The following SEC63 variants were observed in gnomAD, a reference collection of about 807,000 sequenced individuals.
The protein encoded by SEC63 is SEC63 protein translocation regulator.
A neutral mutation model predicts 116.2 loss-of-function variants in SEC63; 56 were observed. The ratio of observed to expected loss-of-function variants is 0.48; its 90% CI spans 0.39 to 0.60. SEC63 has a LOEUF of 0.60. Among genes scored for constraint, SEC63 ranks in the 20% least tolerant of loss-of-function variants. The probability of loss-of-function intolerance (pLI) is 0.00; values close to 1 mark genes in which losing one functional copy is unlikely to be tolerated. For synonymous variants in SEC63, 273 were observed against 294.6 expected (o/e 0.93, Z 0.75); for missense variants, 668 against 900.0 (o/e 0.74, Z 3.30).
intron 1 of SEC63, among the ~76,000 whole-genome samples, chr6:107,933,769 T>TG (rs1787864195): frequency 6.6e-6 from 1 of 150,830 alleles, no homozygotes; most frequent in African/African-American, 2.4e-5. Flanking sequence ...CTCTGATGTC[T>TG]AGCCGAAGCT....
At chr6:107,906,075 G>C (rs1367776885) in intron 10 of SEC63, among the ~76,000 whole-genome samples, 1 of 151,936 alleles carries the variant, frequency 6.6e-6, no homozygotes, top group South Asian at 2.1e-4. Flanking sequence ...GATTGGATCA[G>C]GGGGGTGGAG....
intron 10 of SEC63, among the ~76,000 whole-genome samples, chr6:107,906,162 T>C (rs1361229980): frequency 3.9e-5 from 6 of 152,284 alleles, no homozygotes; most frequent in Middle Eastern, 3.4e-3. Context: ...ATCTCCCCCA[T>C]CTCTCTCTTC....
chr6:107,893,915 G>A lies in SEC63; in HGVS notation c.1441-18C>T, dbSNP rs1157907031. 9 of 1,613,094 alleles carry A rather than the reference G, an allele frequency of 5.6e-6. No individual in the cohort carries two copies. Among genetic ancestry groups the A allele is most frequent in the Admixed American group, 1.7e-5 (1 of 59,904 alleles). ...AATACTTCCTGGGGGGCGGCAAGAA[G>A]AGAAATACAAAATCTGTCAACCTAT... On this transcript the variant is annotated intron_variant, in intron 14 of 20. Coordinates refer to ENST00000369002, the MANE Select transcript of SEC63 (RefSeq NM_007214.5).
chr6:107,908,030 A>G (rs1167263742), intron 8 of SEC63, among the ~76,000 whole-genome samples: 3 of 152,228 alleles, frequency 2.0e-5, no homozygotes, highest in Non-Finnish European at 4.4e-5. Flanking sequence ...TATTTTCGAT[A>G]AGGCAAAGTA....
chr6:107,934,524 C>T (rs1185016171), intron 1 of SEC63, among the ~76,000 whole-genome samples: 1 of 140,562 alleles, frequency 7.1e-6, no homozygotes, highest in East Asian at 2.2e-4. Context: ...CCGGCAGCCG[C>T]CCCGTCTGAG....
At position 107,912,792 on chromosome 6, in the gene SEC63, T is replaced by C. The variant is rs370955001; in HGVS notation, c.515-18A>G. The C allele has an allele frequency of 8.6e-4, 1,371 of 1,590,764 alleles. 1 individual carries two copies. The highest frequency in any genetic ancestry group is 2.0e-3 in the Admixed American group (120 of 59,860). On this transcript the variant is annotated intron_variant, in intron 5 of 20. Transcript: ENST00000369002. ...GCTTGTGGCTGAAATAGAAAAAATA[T>C]CAGTTTCTGAAGAATCTCTACTTTC... is the stretch of plus-strand genomic sequence containing the variant.
chr6:107,935,025 C>A (rs1347935867), intron 1 of SEC63, among the ~76,000 whole-genome samples: 1 of 134,974 alleles, frequency 7.4e-6, no homozygotes, highest in Non-Finnish European at 1.6e-5. Context: ...CCAGCCACCC[C>A]GTCCGGGAGG....
chr6:107,889,126 CCT>C (rs1671310595), intron 16 of SEC63, among the ~76,000 whole-genome samples: 1 of 151,986 alleles, frequency 6.6e-6, no homozygotes, highest in Non-Finnish European at 1.5e-5. Context: ...GGGAGGATTC[CCT>C]CTTTTTCTGT....
At chr6:107,880,242 A>G (rs1786381486) in intron 18 of SEC63, among the ~76,000 whole-genome samples, 1 of 152,198 alleles carries the variant, frequency 6.6e-6, no homozygotes, top group African/African-American at 2.4e-5. Flanking sequence ...TTATTTACGA[A>G]TTTGCCTTAA....
intron 1 of SEC63, among the ~76,000 whole-genome samples, chr6:107,954,068 A>G (rs960797505): frequency 3.9e-5 from 6 of 152,216 alleles, no homozygotes; most frequent in African/African-American, 7.2e-5. Flanking sequence ...GATGGTTGCC[A>G]TGTCTGTGTA....
chr6:107,881,566 A>G (rs531367096), intron 17 of SEC63, among the ~76,000 whole-genome samples: 148 of 152,110 alleles, frequency 9.7e-4, no homozygotes, highest in Non-Finnish European at 1.8e-3. Context: ...TGAACTTACC[A>G]AACTATTTCA....
chr6:107,900,372 T>C (rs1786972218), intron 13 of SEC63, among the ~76,000 whole-genome samples: 1 of 152,016 alleles, frequency 6.6e-6, no homozygotes, highest in African/African-American at 2.4e-5. Context: ...CCAGGCACGG[T>C]GGCTCACACC....
chr6:107,891,446 T>C (rs1230114752), intron 16 of SEC63, among the ~76,000 whole-genome samples: 1 of 152,036 alleles, frequency 6.6e-6, no homozygotes, highest in Non-Finnish European at 1.5e-5. Flanking sequence ...CTAAACTGGT[T>C]ATTCTAGTTA....
chr6:107,955,682 T>TG (rs1240114609), intron 1 of SEC63, among the ~76,000 whole-genome samples: 1 of 151,852 alleles, frequency 6.6e-6, no homozygotes, highest in East Asian at 2.0e-4. Context: ...TGTCAGGAGT[T>TG]GGAGACCAGC....
chr6:107,883,723 T>A (rs112510563), intron 16 of SEC63, among the ~76,000 whole-genome samples: 4 of 151,486 alleles, frequency 2.6e-5, no homozygotes, highest in African/African-American at 9.7e-5. Flanking sequence ...GGGAGAATCA[T>A]TTGAGCCCAG....
intron 16 of SEC63, among the ~76,000 whole-genome samples, chr6:107,886,264 G>A (rs1786526452): frequency 6.6e-6 from 1 of 152,122 alleles, no homozygotes; most frequent in Admixed American, 6.6e-5. Context: ...TATCATTGAT[G>A]GGCACTTGGG....
At chr6:107,911,198 C>A in intron 7 of SEC63, 148 bp downstream of exon 7, 1 of 673,102 alleles carries the variant, frequency 1.5e-6, no homozygotes. Flanking sequence ...CTCAAGCGAT[C>A]CTCCCACCTC....
intron 4 of SEC63, among the ~76,000 whole-genome samples, chr6:107,919,597 C>A (rs987406978): frequency 4.6e-5 from 7 of 151,700 alleles, no homozygotes; most frequent in Admixed American, 2.6e-4. Flanking sequence ...CCAAGGCAGG[C>A]GTATCACAAG....
intron 4 of SEC63, among the ~76,000 whole-genome samples, chr6:107,913,697 T>C (rs1787337299): frequency 6.6e-6 from 1 of 152,154 alleles, no homozygotes; most frequent in African/African-American, 2.4e-5. Context: ...AACCAGATGG[T>C]TCTCAGTTCA....
Sources: gnomAD v4.1 joint callset for allele counts (sites outside exome capture counted in the v4.1 genomes callset) on GRCh38, gnomAD v4.1.1 for gene constraint, MANE v1.5 for transcripts, NCBI Gene and HGNC (gene_info 2026-07-23, HGNC 2026-07-21) for gene names.